The following CHTF8 variants were observed in gnomAD, a reference collection of about 807,000 sequenced individuals.
CHTF8 encodes chromosome transmission fidelity factor 8.
Under a neutral mutation model 11.0 loss-of-function variants are expected in CHTF8, and 6 were observed. The ratio of observed to expected loss-of-function variants is 0.55; its 90% confidence interval spans 0.30 to 1.08. The LOEUF is 1.08. CHTF8 is among the 50% of genes least tolerant of loss of function. The probability of loss-of-function intolerance (pLI) is 0.07; values close to 1 mark genes in which losing one functional copy is unlikely to be tolerated. For missense variants in CHTF8, 140 were observed against 153.1 expected (o/e 0.91, Z 0.45); for synonymous variants, 53 against 60.5 (o/e 0.88, Z 0.57).
intron 1 of CHTF8, among the ~76,000 whole-genome samples, chr16:69,122,886 C>T (rs933284498): frequency 6.6e-6 from 1 of 151,860 alleles, no homozygotes; most frequent in Non-Finnish European, 1.5e-5. Context: ...ACCATGTTAG[C>T]CAGGCTGGTC....
At chr16:69,123,009 T>C (rs1411573773) in intron 1 of CHTF8, among the ~76,000 whole-genome samples, 1 of 152,134 alleles carries the variant, frequency 6.6e-6, no homozygotes, top group Non-Finnish European at 1.5e-5. Context: ...TCCGCCCACC[T>C]TGGCCTCTCA....
At position 69,119,170 on chromosome 16, in the gene CHTF8, T is replaced by C. The variant is rs1226691596; in HGVS notation, c.*1255A>G. The C allele has an allele frequency of 1.4e-6, 1 of 702,908 alleles. No individual in the cohort carries two copies. The allele number at this position is 702,908 out of a possible 1,614,324, so 43.5% of individuals were successfully genotyped here. On this transcript the variant is annotated 3_prime_UTR_variant, in exon 4 of 4. Transcript: ENST00000448552. ...TGGGAAGGTAGTTGGACTTGGACCC[T>C]GCAGGCCAGTGGCCCTTGGGAAGTT...
chr16:69,121,289 T>C, intron 2 of CHTF8, 119 bp from the exon 3 acceptor site: 1 of 1,242,642 alleles, frequency 8.0e-7, no homozygotes. Context: ...CTTGGGAAAT[T>C]GGGCAGTGCT....
intron 1 of CHTF8, among the ~76,000 whole-genome samples, chr16:69,130,028 TGTC>T (rs1364268420): frequency 6.6e-6 from 1 of 152,248 alleles, no homozygotes; most frequent in Non-Finnish European, 1.5e-5. Context: ...GGACATTCTT[TGTC>T]AAGTATTCAT....
At chr16:69,122,539 ATTT>A (rs764144816) in intron 1 of CHTF8, among the ~76,000 whole-genome samples, 8 of 130,722 alleles carry the variant, frequency 6.1e-5, no homozygotes, top group African/African-American at 8.5e-5. Context: ...TACCCAGCTA[ATTT>A]TTTTTTTTTT....
chr16:69,119,831 G>A lies in CHTF8; in HGVS notation c.*594C>T, dbSNP rs572920947. On this transcript the variant is annotated 3_prime_UTR_variant, in exon 4 of 4. Transcript: ENST00000448552. ...CCTGGGCCCAGGCCAACTGGCCTAG[G>A]ATTGGGAGGACCATTCCCAGAGGTT... 143 of 701,136 alleles carry A rather than the reference G, an allele frequency of 2.0e-4. No homozygotes were observed. The highest frequency in any genetic ancestry group is 3.2e-4 in the Non-Finnish European group (125 of 384,970). The allele number at this position is 701,136 out of a possible 1,614,324, so 43.4% of individuals were successfully genotyped here.
chr16:69,118,066 C>A lies in CHTF8; in HGVS notation c.*2359G>T. 2.1e-6 allele frequency: 1 copy of A among 478,388 alleles called. No homozygotes were observed. The highest frequency in any genetic ancestry group is 2.7e-5 in the South Asian group (1 of 36,692). The allele number at this position is 478,388 out of a possible 1,614,324, so 29.6% of individuals were successfully genotyped here. On this transcript the variant is annotated 3_prime_UTR_variant, in exon 4 of 4. Coordinates refer to ENST00000448552, the MANE Select transcript of CHTF8 (RefSeq NM_001039690.5). The stretch of plus-strand genomic sequence containing the variant: ...AAGAAAAGATACAATGCAGGAAAAC[C>A]ACCAACCATCCTTGCACACCAGGCC...
Position 69,132,584 on chromosome 16 carries a change from C to T in CHTF8, c.-136G>A, listed in dbSNP as rs1962642703. 2.5e-6 allele frequency: 1 copy of T among 407,766 alleles called. No individual in the cohort carries two copies. Among genetic ancestry groups the T allele is most frequent in the South Asian group, 1.6e-5 (1 of 60,788 alleles). The allele number at this position is 407,766 out of a possible 1,614,324, so 25.3% of individuals were successfully genotyped here. ...GCCGCGAGCACTGCCTGCGCACTTC[C>T]GACTATGCGCCAGGAGCACTTCCGG... is the stretch of plus-strand genomic sequence containing the variant. On this transcript the variant is annotated 5_prime_UTR_variant, in exon 1 of 4. Coordinates refer to ENST00000448552, the MANE Select transcript of CHTF8 (RefSeq NM_001039690.5).
rs1961590724 is a variant in CHTF8 at position 69,120,707 on chromosome 16, G to C, written c.142-58C>G. On this transcript the variant is annotated intron_variant, in intron 3 of 3. Transcript: ENST00000448552. The surrounding 1 kb of genome is among the most constrained non-coding windows in gnomAD (Gnocchi z 4.0). ...TCCGGGGCAAGGCCATAACACTCAG[G>C]CGCCTCCTAAAGCTGCTCTTGGCAG... 1.4e-6 allele frequency: 2 copies of C among 1,468,560 alleles called. No individual in the cohort carries two copies. The highest frequency in any genetic ancestry group is 9.4e-7 in the Non-Finnish European group (1 of 1,063,718). 91.0% of individuals were successfully genotyped at this position (1,468,560 alleles called of 1,614,324 possible).
At chr16:69,128,080 G>T (rs988199200) in intron 1 of CHTF8, among the ~76,000 whole-genome samples, 2 of 151,820 alleles carry the variant, frequency 1.3e-5, no homozygotes, top group Non-Finnish European at 2.9e-5. Flanking sequence ...GCGCCTTGCT[G>T]ATTTTTGTAT....
intron 1 of CHTF8, among the ~76,000 whole-genome samples, chr16:69,131,702 A>C (rs1222933209): frequency 6.9e-6 from 1 of 144,608 alleles, no homozygotes; most frequent in Admixed American, 7.0e-5. Flanking sequence ...CACACCACCC[A>C]CTGGAGTGGT....
In CHTF8 at chr16:69,121,433, T is replaced by A. The variant is rs761293566; in HGVS notation, c.23+3A>T. Reference sequence around the variant, plus strand: ...AAATTTTAAAATCTCAAAATGTACTTACCTGGAAATAACAATTTGCACCAT... The same window carrying A: ...AAATTTTAAAATCTCAAAATGTACTAACCTGGAAATAACAATTTGCACCAT... On this transcript the variant is annotated splice_donor_region_variant and intron_variant, in intron 2 of 3. Transcript: ENST00000448552. 13 of 1,606,806 alleles carry A rather than the reference T, an allele frequency of 8.1e-6. No homozygotes were observed. The highest frequency in any genetic ancestry group is 1.1e-5 in the Non-Finnish European group (13 of 1,177,606).
In CHTF8 at chr16:69,119,240, T is replaced by A. The variant is rs143561296; in HGVS notation, c.*1185A>T. 4.1e-5 allele frequency: 29 copies of A among 702,836 alleles called. No individual in the cohort carries two copies. Among genetic ancestry groups the A allele is most frequent in the Non-Finnish European group, 7.0e-5 (27 of 384,948 alleles). The allele number at this position is 702,836 out of a possible 1,614,324, so 43.5% of individuals were successfully genotyped here. ...GGCCCAGAGGCTCTTGGGAAAATGG[T>A]TGGATTTGAGCCCTGGAGGCCAGCG... On this transcript the variant is annotated 3_prime_UTR_variant, in exon 4 of 4. Coordinates refer to ENST00000448552, the MANE Select transcript of CHTF8 (RefSeq NM_001039690.5).
At chr16:69,131,664 G>A (rs562778866) in intron 1 of CHTF8, among the ~76,000 whole-genome samples, 1 of 144,966 alleles carries the variant, frequency 6.9e-6, no homozygotes, top group South Asian at 2.2e-4. Context: ...TGCCTCCCAG[G>A]GAAACTATTC....
At position 69,119,627 on chromosome 16, in the gene CHTF8, C is replaced by T. The variant is rs745817603; in HGVS notation, c.*798G>A. 12 of 690,594 alleles carry T rather than the reference C, an allele frequency of 1.7e-5. No homozygotes were observed. Among genetic ancestry groups the T allele is most frequent in the South Asian group, 1.6e-4 (11 of 66,704 alleles). The allele number at this position is 690,594 out of a possible 1,614,324, so 42.8% of individuals were successfully genotyped here. ...GCAAGATCGAGGCCTTGAGGTCCAG[C>T]CATTCTTAAGTTAAGACCAGATCCT... On this transcript the variant is annotated 3_prime_UTR_variant, in exon 4 of 4. Transcript: ENST00000448552.
chr16:69,127,950 T>C (rs1468848200), intron 1 of CHTF8, among the ~76,000 whole-genome samples: 1 of 150,736 alleles, frequency 6.6e-6, no homozygotes, highest in Non-Finnish European at 1.5e-5. Context: ...AGTCTCACTC[T>C]GTCACTCAGG....
At position 69,119,642 on chromosome 16, in the gene CHTF8, G is replaced by A. The variant is rs775497648; in HGVS notation, c.*783C>T. 4 of 682,594 alleles carry A rather than the reference G, an allele frequency of 5.9e-6. No homozygotes were observed. The highest frequency in any genetic ancestry group is 4.6e-5 in the South Asian group (3 of 65,712). The allele number at this position is 682,594 out of a possible 1,614,324, so 42.3% of individuals were successfully genotyped here. ...TGAGGTCCAGCCATTCTTAAGTTAA[G>A]ACCAGATCCTGTGCCCAAGAGGCCA... On this transcript the variant is annotated 3_prime_UTR_variant, in exon 4 of 4. Transcript: ENST00000448552.
chr16:69,127,314 G>GA (rs1267782290), intron 1 of CHTF8, among the ~76,000 whole-genome samples: 1 of 150,318 alleles, frequency 6.7e-6, no homozygotes, highest in African/African-American at 2.4e-5. Context: ...AGAGTGAGTA[G>GA]AAAAAAGAGG....
In CHTF8 at chr16:69,118,408, CAG is replaced by C; in HGVS notation, c.*2015_*2016del. The C allele has an allele frequency of 6.2e-7, 1 of 1,613,644 alleles. No individual in the cohort carries two copies. Among genetic ancestry groups the C allele is most frequent in the Non-Finnish European group, 8.5e-7 (1 of 1,179,612 alleles). Reference sequence around the variant, plus strand: ...ATGACCAGGTCCAAGCTGCCCAGGTCAGAGCTACGGAAGCATGGTCCGTTCAC... The same window carrying C: ...ATGACCAGGTCCAAGCTGCCCAGGTCAGCTACGGAAGCATGGTCCGTTCAC... On this transcript the variant is annotated 3_prime_UTR_variant, in exon 4 of 4. Transcript: ENST00000448552.
Sources: allele counts gnomAD v4.1 joint callset (sites outside exome capture counted in the v4.1 genomes callset), GRCh38; gene constraint gnomAD v4.1.1; non-coding constraint Gnocchi (gnomAD v3.1); transcripts MANE v1.5; gene names NCBI Gene and HGNC (gene_info 2026-07-23, HGNC 2026-07-21).